Variants in KLK12 observed in about 807,000 individuals in gnomAD.
The protein encoded by KLK12 is kallikrein related peptidase 12.
KLK12 carries 23 observed loss-of-function variants against 20.0 expected under a neutral mutation model. The observed-to-expected ratio is 1.15, with a 90% confidence interval of 0.83 to 1.63. KLK12 has a LOEUF of 1.63. Ranked by LOEUF, KLK12 falls within the 40% of genes most tolerant of loss-of-function variation. The pLI is 0.00. For synonymous variants in KLK12, 147 were observed against 141.9 expected, an observed-to-expected ratio of 1.04 and a Z score of -0.25; for missense variants, 351 against 338.6, an observed-to-expected ratio of 1.04 and a Z score of -0.29.
In KLK12 at chr19:51,029,438, A is replaced by AG. The variant is rs776238278; in HGVS notation, c.610dup (p.Leu204ProfsTer76). On this transcript the variant is annotated frameshift_variant, in exon 6 of 6. Transcript: ENST00000684732. LOFTEE classifies it low-confidence loss of function (END_TRUNC). ...ACCTTGAAGGACTCCCCCACACACCAGGGGGCCCCCAGAATCACCCTGGAA... is the reference window on the plus strand; with the variant it reads ...ACCTTGAAGGACTCCCCCACACACCAGGGGGGCCCCCAGAATCACCCTGGAA... 49 of 1,612,006 alleles carry AG rather than the reference A, an allele frequency of 3.0e-5. No individual in the cohort carries two copies. Among genetic ancestry groups the AG allele is most frequent in the Non-Finnish European group, 4.0e-5 (47 of 1,178,184 alleles).
chr19:51,034,074 A>G lies in KLK12; in HGVS notation c.103T>C (p.Trp35Arg). 1 of 1,578,170 alleles carries G rather than the reference A, an allele frequency of 6.3e-7. No homozygotes were observed. Among genetic ancestry groups the G allele is most frequent in the Non-Finnish European group, 8.6e-7 (1 of 1,161,398 alleles). ...GTGCCCTCAAACAGCCCCACCTGCC[A>G]CGGCTGTGAGTTACGCCCACACTCA... is the stretch of plus-strand genomic sequence containing the variant. ...GTECGRNSQP[W>R]QVGLFEGTSL... Residue 35 changes from tryptophan to arginine, a missense_variant, in exon 3 of 6, where the codon TGG becomes CGG. Coordinates refer to ENST00000684732, the MANE Select transcript of KLK12 (RefSeq NM_001370125.1).
chr19:51,033,962 C>A lies in KLK12; in HGVS notation c.197+18G>T. On this transcript the variant is annotated intron_variant, in intron 3 of 5. Coordinates refer to ENST00000684732, the MANE Select transcript of KLK12 (RefSeq NM_001370125.1). Reference sequence around the variant, plus strand: ...CTTCCCATAGTCCTCCCTTCGCCCACCCCAGGAAGGGACTTACCTGCCGCT... The same window carrying A: ...CTTCCCATAGTCCTCCCTTCGCCCAACCCAGGAAGGGACTTACCTGCCGCT... 1 of 1,608,784 alleles carries A rather than the reference C, an allele frequency of 6.2e-7. No homozygotes were observed. Among genetic ancestry groups the A allele is most frequent in the South Asian group, 1.1e-5 (1 of 90,092 alleles).
Position 51,029,461 on chromosome 19 carries a change from G to C in KLK12, c.592-4C>G. 1 of 1,602,104 alleles carries C rather than the reference G, an allele frequency of 6.2e-7. No individual in the cohort carries two copies. On this transcript the variant is annotated splice_polypyrimidine_tract_variant and splice_region_variant and intron_variant, in intron 5 of 5. Coordinates refer to ENST00000684732, the MANE Select transcript of KLK12 (RefSeq NM_001370125.1). ...CCAGGGGGCCCCCAGAATCACCCTG[G>C]AAGGGAAGAGAAGTACTGTCTGAAC...
chr19:51,034,548 C>T (rs780591879), intron 2 of KLK12, 37 bp downstream of exon 2: 9 of 1,602,710 alleles, frequency 5.6e-6, no homozygotes, highest in South Asian at 3.4e-5. Flanking sequence ...GGGATCCAGT[C>T]GCAGTCCTGC....
chr19:51,033,812 G>C lies in KLK12; in HGVS notation c.197+168C>G, dbSNP rs150497099. ...CACCCAACATACCTCACCCTGCCCA[G>C]CACCACCCCAGGCCCACTGCTAAGG... On this transcript the variant is annotated intron_variant, in intron 3 of 5. Transcript: ENST00000684732. 1.2e-5 allele frequency: 9 copies of C among 743,986 alleles called. No individual in the cohort carries two copies. The African/African-American group carries it at 1.4e-4, about 11-fold the overall frequency. The allele number at this position is 743,986 out of a possible 1,614,324, so 46.1% of individuals were successfully genotyped here.
intron 3 of KLK12, 67 bp from the exon 4 acceptor site, chr19:51,032,202 A>ATT (rs1210639692): frequency 1.4e-6 from 2 of 1,404,140 alleles, no homozygotes; most frequent in South Asian, 2.5e-5. Flanking sequence ...CTCCACGGAC[A>ATT]CTCAGGCGCT....
chr19:51,032,920 A>G (rs569170667), intron 3 of KLK12, among the ~76,000 whole-genome samples: 1 of 152,132 alleles, frequency 6.6e-6, no homozygotes, highest in Admixed American at 6.5e-5. Flanking sequence ...CCCTTTCACA[A>G]AAAAAGTTCC....
chr19:51,031,595 C>CATACATATATATCT (rs6146546), intron 4 of KLK12, among the ~76,000 whole-genome samples: 1 of 120,394 alleles, frequency 8.3e-6, no homozygotes, highest in African/African-American at 2.9e-5. Context: ...CCTATACATA[C>CATACATATATATCT]ATATATATAT....
At chr19:51,030,692 T>A in intron 5 of KLK12, 96 bp downstream of exon 5, 1 of 1,528,156 alleles carries the variant, frequency 6.5e-7, no homozygotes, top group Non-Finnish European at 9.0e-7. Flanking sequence ...GCATCCCCTT[T>A]CCCTGATTCA....
chr19:51,029,374 A>G lies in KLK12; in HGVS notation c.675T>C (p.Asp225=), dbSNP rs965555670. ...TATAGGTGTAGACTCCAGGGATGCC[A>G]TCTTGTCCACAGGGCCCCACAGACC... ...SWGSVGPCGQ[D]GIPGVYTYIC... Residue 225 remains aspartate (D), a synonymous_variant, in exon 6 of 6, where the codon GAT becomes GAC. Coordinates refer to ENST00000684732, the MANE Select transcript of KLK12 (RefSeq NM_001370125.1). The G allele has an allele frequency of 1.9e-6, 3 of 1,613,498 alleles. No homozygotes were observed. The highest frequency in any genetic ancestry group is 1.7e-6 in the Non-Finnish European group (2 of 1,179,808).
At chr19:51,031,054 C>T (rs992387087) in intron 4 of KLK12, 133 bp from the exon 5 acceptor site, 1 of 948,408 alleles carries the variant, frequency 1.1e-6, no homozygotes, top group African/African-American at 1.6e-5. Flanking sequence ...ATCCCGAAAC[C>T]TCCAAGTTAC....
Position 51,029,425 on chromosome 19 carries a change from T to G in KLK12, c.624A>C (p.Gly208=). The G allele has an allele frequency of 6.2e-7, 1 of 1,613,340 alleles. No homozygotes were observed. The highest frequency in any genetic ancestry group is 1.1e-5 in the South Asian group (1 of 91,044). ...GDSGGPLVCG[G]VLQGLVSWGS... The stretch of plus-strand genomic sequence containing the variant: ...CCCAGGACACCAGACCTTGAAGGAC[T>G]CCCCCACACACCAGGGGGCCCCCAG... Residue 208 remains glycine, a synonymous_variant, in exon 6 of 6, where the codon GGA becomes GGC. Coordinates refer to ENST00000684732, the MANE Select transcript of KLK12 (RefSeq NM_001370125.1).
At chr19:51,031,709 A>T (rs944352716) in intron 4 of KLK12, 167 bp downstream of exon 4, 1 of 824,708 alleles carries the variant, frequency 1.2e-6, no homozygotes, top group Non-Finnish European at 2.0e-6. Context: ...GGCTCCCAAG[A>T]CCCCAATCCA....
rs566752253 is a variant in KLK12 at position 51,034,545 on chromosome 19, A to C, written c.37+40T>G. The C allele has an allele frequency of 2.5e-6, 4 of 1,601,610 alleles. No homozygotes were observed. The African/African-American group carries it at 5.3e-5, about 21-fold the overall frequency. ...CCTCCTCATGGGGGTGAAGGGATCC[A>C]GTCGCAGTCCTGCCCTCTCCCTGCT... On this transcript the variant is annotated intron_variant, in intron 2 of 5. Coordinates refer to ENST00000684732, the MANE Select transcript of KLK12 (RefSeq NM_001370125.1).
At position 51,029,459 on chromosome 19, in the gene KLK12, TG is replaced by T. The variant is rs1172000738; in HGVS notation, c.592-3del. 1.2e-6 allele frequency: 2 copies of T among 1,607,744 alleles called. No homozygotes were observed. On this transcript the variant is annotated splice_region_variant and splice_polypyrimidine_tract_variant and intron_variant, in intron 5 of 5. Transcript: ENST00000684732. The stretch of plus-strand genomic sequence containing the variant: ...CACCAGGGGGCCCCCAGAATCACCC[TG>T]GAAGGGAAGAGAAGTACTGTCTGAA...
chr19:51,034,489 G>A (rs1482651594), intron 2 of KLK12, 96 bp downstream of exon 2: 10 of 1,549,820 alleles, frequency 6.5e-6, no homozygotes, highest in Non-Finnish European at 8.7e-6. Flanking sequence ...CCAGGCTGGG[G>A]GCCAGAGCTG....
rs566614382 is a variant in KLK12 at position 51,032,219 on chromosome 19, G to A, written c.198-84C>T. 30 of 1,432,252 alleles carry A rather than the reference G, an allele frequency of 2.1e-5. No homozygotes were observed. In the South Asian group the frequency reaches 2.7e-4, roughly 13 times the overall value. 88.7% of individuals were successfully genotyped at this position (1,432,252 alleles called of 1,614,324 possible). A position where few individuals can be genotyped will look rare whatever the true frequency, so the allele number is the denominator to read the frequency against. The stretch of plus-strand genomic sequence containing the variant: ...CCACGGACACTCAGGCGCTCCTGCC[G>A]CTCCCCACTGTTCTGCCCCTCACTG... On this transcript the variant is annotated intron_variant, in intron 3 of 5. Transcript: ENST00000684732.
At position 51,029,189 on chromosome 19, in the gene KLK12, G is replaced by A. The variant is rs769651450; in HGVS notation, c.*113C>T. Reference sequence around the variant, plus strand: ...CTGGCAGGAGTTAAAGTTCCAAGAAGTTCCCAGGCCAACAAGAGTGGAGCT... The same window carrying A: ...CTGGCAGGAGTTAAAGTTCCAAGAAATTCCCAGGCCAACAAGAGTGGAGCT... On this transcript the variant is annotated 3_prime_UTR_variant, in exon 6 of 6. Transcript: ENST00000684732. The A allele has an allele frequency of 3.1e-6, 5 of 1,613,982 alleles. No homozygotes were observed. The highest frequency in any genetic ancestry group is 3.3e-5 in the Admixed American group (2 of 59,996).
In KLK12 at chr19:51,030,896, G is replaced by C. The variant is rs1168238053; in HGVS notation, c.483C>G (p.Cys161Trp). ...PRNPFPDLLQ[C>W]LNLSIVSHAT... The stretch of plus-strand genomic sequence containing the variant: ...CATGGGAGACGATGGAGAGGTTGAG[G>C]CACTGGAGCAGATCCGGGAATGGGT... Residue 161 changes from cysteine to tryptophan, a missense_variant, in exon 5 of 6, where the codon TGC becomes TGG. By Grantham distance (215) the Cys-to-Trp change is radical (BLOSUM62 -2). Coordinates refer to ENST00000684732, the MANE Select transcript of KLK12 (RefSeq NM_001370125.1). 1 of 1,614,102 alleles carries C rather than the reference G, an allele frequency of 6.2e-7. No homozygotes were observed.
Sources: gnomAD v4.1 joint callset for allele counts (sites outside exome capture counted in the v4.1 genomes callset) on GRCh38, gnomAD v4.1.1 for gene constraint, MANE v1.5 for transcripts, NCBI Gene and HGNC (gene_info 2026-07-23, HGNC 2026-07-21) for gene names.